The following PKHD1L1 variants were observed in gnomAD, a reference collection of about 807,000 sequenced individuals.
PKHD1L1 encodes fibrocystin-L.
A neutral mutation model predicts 462.9 loss-of-function variants in PKHD1L1; 434 were observed. That is an observed-to-expected ratio of 0.94 (90% CI 0.87 to 1.02). The LOEUF is 1.02. PKHD1L1 is among the 50% of genes least tolerant of loss of function. The pLI is 0.00. For synonymous variants in PKHD1L1, 1,781 were observed against 1,750.0 expected (o/e 1.02, Z -0.44); for missense variants, 5,202 against 5,096.1 (o/e 1.02, Z -0.63).
intron 31 of PKHD1L1, among the ~76,000 whole-genome samples, 156 bp from the exon 32 acceptor site, chr8:109,438,741 C>T (rs1057245127): frequency 4.6e-5 from 7 of 151,640 alleles, no homozygotes; most frequent in Non-Finnish European, 1.0e-4. Flanking sequence ...TGGCTGTTAC[C>T]AACTCTTTCA....
intron 53 of PKHD1L1, among the ~76,000 whole-genome samples, chr8:109,479,335 CCCCT>C (rs1818154538): frequency 6.6e-6 from 1 of 152,092 alleles, no homozygotes; most frequent in African/African-American, 2.4e-5. Flanking sequence ...CATCCTTCTA[CCCCT>C]TTCTTCACAG....
chr8:109,495,130 G>C (rs1211765495), intron 63 of PKHD1L1, among the ~76,000 whole-genome samples: 1 of 151,594 alleles, frequency 6.6e-6, no homozygotes, highest in Non-Finnish European at 1.5e-5. Flanking sequence ...TTAGACTTAA[G>C]CTGGTTTTAT....
intron 72 of PKHD1L1, among the ~76,000 whole-genome samples, chr8:109,516,740 T>C (rs1343501832): frequency 6.6e-6 from 1 of 152,128 alleles, no homozygotes; most frequent in Non-Finnish European, 1.5e-5. Flanking sequence ...ATGGCATTTA[T>C]AGCTTAATTT....
At chr8:109,427,754 A>G (rs1814844836) in intron 25 of PKHD1L1, among the ~76,000 whole-genome samples, 2 of 152,020 alleles carry the variant, frequency 1.3e-5, no homozygotes. Context: ...AGCCAGGCAC[A>G]GTGGCTCATG....
chr8:109,444,714 T>C lies in PKHD1L1; in HGVS notation c.4845T>C (p.Ile1615=), dbSNP rs1424719735. 1.3e-5 allele frequency: 21 copies of C among 1,613,946 alleles called. No homozygotes were observed. Among genetic ancestry groups the C allele is most frequent in the Non-Finnish European group, 1.8e-5 (21 of 1,179,806 alleles). The stretch of plus-strand genomic sequence containing the variant: ...TAGAAGAAAGTAGTGAGGATTCAAT[T>C]ACATGTCATATTGACCCTCAAAACT... The part of the protein sequence containing the change: ...CVVEESSEDS[I]TCHIDPQNSM... The change falls in exon 38 of 78, where the codon ATT becomes ATC. Residue 1615 remains isoleucine, a synonymous_variant. Transcript: ENST00000378402.
Position 109,445,361 on chromosome 8 carries a change from C to T in PKHD1L1, c.5492C>T (p.Pro1831Leu), listed in dbSNP as rs1330376459. The T allele has an allele frequency of 1.2e-6, 2 of 1,613,778 alleles. No homozygotes were observed. Among genetic ancestry groups the T allele is most frequent in the Non-Finnish European group, 1.7e-6 (2 of 1,179,874 alleles). ...CTGGGAAACCTGACTGTCAGCAGCC[C>T]CCCAGTAGCATCTCTATCACCAACT... ...LALGNLTVSSPPVASLSPTSG... is the reference protein window; with the variant it reads ...LALGNLTVSSLPVASLSPTSG... The change falls in exon 38 of 78, where the codon CCC becomes CTC. Residue 1831 changes from proline (P) to leucine (L), a missense_variant. By Grantham distance (98) the Pro-to-Leu change is moderately conservative. Around this residue, in one of 3 missense-constraint regions of PKHD1L1, gnomAD observed 4,497 missense variants for 4,336.8 expected, o/e 1.04. Transcript: ENST00000378402.
intron 50 of PKHD1L1, chr8:109,470,256 C>G (rs1356730393): frequency 2.1e-6 from 3 of 1,400,956 alleles, no homozygotes; most frequent in South Asian, 1.2e-5. Flanking sequence ...ATCATGAAAA[C>G]AAATACTGTG....
intron 71 of PKHD1L1, 103 bp downstream of exon 71, chr8:109,511,037 A>T: frequency 7.6e-7 from 1 of 1,321,710 alleles, no homozygotes. Context: ...TGTCAGCCTT[A>T]CAGCTCATTT....
Position 109,507,890 on chromosome 8 carries a change from A to G in PKHD1L1, c.11222A>G (p.His3741Arg). 6.2e-7 allele frequency: 1 copy of G among 1,604,074 alleles called. No individual in the cohort carries two copies. The highest frequency in any genetic ancestry group is 2.2e-5 in the East Asian group (1 of 44,818). ...SRIPVTEKAP[H>R]KGIIRDSTCK... is the part of the protein sequence containing the mutation. ...ATTCCTGTCACTGAGAAAGCACCTC[A>G]TAAAGGTTTGTTGGATCTTGCTTAA... Residue 3741 changes from histidine (H) to arginine (R), a missense_variant, in exon 69 of 78, where the codon CAT becomes CGT. By Grantham distance (29) the His-to-Arg change is conservative. Around this residue, in one of 3 missense-constraint regions of PKHD1L1, gnomAD observed 698 missense variants for 736.3 expected, o/e 0.95. Coordinates refer to ENST00000378402, the MANE Select transcript of PKHD1L1 (RefSeq NM_177531.6).
intron 22 of PKHD1L1, 103 bp from the exon 23 acceptor site, chr8:109,420,415 A>C (rs899201841): frequency 1.2e-5 from 7 of 607,252 alleles, no homozygotes; most frequent in Non-Finnish European, 1.8e-5. Context: ...TATTTTTAGC[A>C]ACAGAAGCAA....
At chr8:109,401,127 A>G (rs1052403059) in intron 13 of PKHD1L1, among the ~76,000 whole-genome samples, 2 of 152,160 alleles carry the variant, frequency 1.3e-5, no homozygotes, top group African/African-American at 4.8e-5. Flanking sequence ...TCTAATTTGG[A>G]TTAAATCTCT....
chr8:109,497,907 C>T (rs182129726), intron 65 of PKHD1L1, among the ~76,000 whole-genome samples: 7 of 152,244 alleles, frequency 4.6e-5, no homozygotes, highest in African/African-American at 1.4e-4. Context: ...ATCACAGAAA[C>T]ATAACATGTC....
At chr8:109,515,119 T>C (rs1820197617) in intron 71 of PKHD1L1, 51 bp from the exon 72 acceptor site, 1 of 1,355,166 alleles carries the variant, frequency 7.4e-7, no homozygotes, top group Admixed American at 2.7e-5. Context: ...AAGTGCTAAA[T>C]TACAAATATT....
At chr8:109,481,135 A>C (rs931654570) in intron 55 of PKHD1L1, among the ~76,000 whole-genome samples, 1 of 151,908 alleles carries the variant, frequency 6.6e-6, no homozygotes, top group Non-Finnish European at 1.5e-5. Flanking sequence ...TACATATAGG[A>C]TATTACTTTC....
intron 35 of PKHD1L1, 66 bp from the exon 36 acceptor site, chr8:109,442,880 T>A: frequency 6.9e-7 from 1 of 1,454,312 alleles, no homozygotes; most frequent in Non-Finnish European, 9.6e-7. Context: ...TCAAATTGTT[T>A]TCAGTCTCTT....
At chr8:109,470,369 A>G (rs1418098698) in intron 50 of PKHD1L1, 1 of 1,557,726 alleles carries the variant, frequency 6.4e-7, no homozygotes, top group African/African-American at 1.4e-5. Context: ...TATGAACCCA[A>G]GCTTATTATA....
Position 109,464,379 on chromosome 8 carries a change from ATAT to A in PKHD1L1, c.7551_7553del (p.Ile2518del), listed in dbSNP as rs1817305744. ...ACACACCATCTTCTGGTTGAGAGGA[ATAT>A]TATATATGATATTAAGGGAGGAGCA... On this transcript the variant is annotated inframe_deletion, in exon 49 of 78. Coordinates refer to ENST00000378402, the MANE Select transcript of PKHD1L1 (RefSeq NM_177531.6). 4 of 1,613,386 alleles carry A rather than the reference ATAT, an allele frequency of 2.5e-6. No homozygotes were observed. The highest frequency in any genetic ancestry group is 3.4e-6 in the Non-Finnish European group (4 of 1,179,594).
intron 8 of PKHD1L1, among the ~76,000 whole-genome samples, chr8:109,389,717 G>A (rs1812621473): frequency 6.6e-6 from 1 of 151,996 alleles, no homozygotes; most frequent in Non-Finnish European, 1.5e-5. Context: ...TAGTAGAGAT[G>A]GGGTTTTGCC....
chr8:109,459,301 A>C (rs1326623082), intron 46 of PKHD1L1, among the ~76,000 whole-genome samples: 2 of 152,154 alleles, frequency 1.3e-5, no homozygotes, highest in African/African-American at 4.8e-5. Context: ...ACCACTGAGT[A>C]TGATCCTCCA....
Sources: allele counts gnomAD v4.1 joint callset (sites outside exome capture counted in the v4.1 genomes callset), GRCh38; gene constraint gnomAD v4.1.1; regional missense constraint gnomAD v4.1.1; transcripts MANE v1.5; gene names NCBI Gene and HGNC (gene_info 2026-07-23, HGNC 2026-07-21).